The following FGF13 variants were observed in gnomAD, a reference collection of about 807,000 sequenced individuals.
FGF13 encodes the protein fibroblast growth factor 13.
FGF13 carries 2 observed loss-of-function variants against 19.5 expected under a neutral mutation model. The ratio of observed to expected loss-of-function variants is 0.10; its 90% CI spans 0.04 to 0.32. The LOEUF (loss-of-function observed/expected upper bound fraction) is 0.32. Among genes scored for constraint, FGF13 ranks in the 10% least tolerant of loss-of-function variants. FGF13 has a pLI of 1.00. For missense variants in FGF13, 113 were observed against 192.7 expected (o/e 0.59, Z 2.45); for synonymous variants, 72 against 76.9 (o/e 0.94, Z 0.33).
intron 1 of FGF13, among the ~76,000 whole-genome samples, chrX:138,902,280 G>A (rs186150905): frequency 4.5e-5 from 5 of 112,225 alleles, no homozygotes; most frequent in Non-Finnish European, 7.5e-5. Context: ...TATTTTGATG[G>A]TTATAGCAAG....
chrX:139,175,094 C>T (rs2084169383), intron 1 of FGF13, among the ~76,000 whole-genome samples: 1 of 111,430 alleles, frequency 9.0e-6, no homozygotes, highest in Admixed American at 9.5e-5. Flanking sequence ...TGTAGTTCTC[C>T]TTGAAGAGGT....
chrX:139,153,802 C>T (rs375817096), intron 1 of FGF13, among the ~76,000 whole-genome samples: 5 of 108,178 alleles, frequency 4.6e-5, no homozygotes, highest in Non-Finnish European at 9.4e-5. Flanking sequence ...TGACTGTTAT[C>T]GTTATAAGTA....
At chrX:138,814,374 T>C (rs2090947636) in intron 3 of FGF13, among the ~76,000 whole-genome samples, 1 of 109,846 alleles carries the variant, frequency 9.1e-6, no homozygotes, top group Non-Finnish European at 1.9e-5. Flanking sequence ...TCAAACTAAA[T>C]AGCTTCTGCA....
At chrX:139,099,654 T>A (rs2083495105) in intron 1 of FGF13, among the ~76,000 whole-genome samples, 1 of 110,784 alleles carries the variant, frequency 9.0e-6, no homozygotes, top group Non-Finnish European at 1.9e-5. Context: ...CAAGGGTATA[T>A]CAAAGTCTGC....
chrX:138,896,621 G>C (rs2091505645), intron 1 of FGF13, among the ~76,000 whole-genome samples: 2 of 112,095 alleles, frequency 1.8e-5, no homozygotes, highest in Non-Finnish European at 3.8e-5. Flanking sequence ...CAAATAAACA[G>C]GCTTTGGAGT....
intron 1 of FGF13, among the ~76,000 whole-genome samples, chrX:138,879,348 TAC>T (rs201311119): frequency 0.021 from 2,302 of 111,691 alleles, 26 homozygotes; most frequent in Middle Eastern, 0.06. Context: ...TGTTCTTTGA[TAC>T]ACAACGATTT....
At chrX:139,154,620 G>A (rs1464841534) in intron 1 of FGF13, among the ~76,000 whole-genome samples, 1 of 111,922 alleles carries the variant, frequency 8.9e-6, no homozygotes, top group Non-Finnish European at 1.9e-5. Flanking sequence ...ACAACAAAAG[G>A]TGTGATTGCT....
At chrX:139,162,933 C>T (rs1284951862) in intron 1 of FGF13, among the ~76,000 whole-genome samples, 1 of 112,115 alleles carries the variant, frequency 8.9e-6, no homozygotes, top group East Asian at 2.8e-4. Flanking sequence ...AATGCTTTTA[C>T]ACTGTTGGTG....
rs1230573678 is a variant in FGF13 at position 138,680,889 on chromosome X, T to C, written c.402+22095A>G. Among the ~76,000 whole-genome samples, 3 of 111,044 alleles carry C rather than the reference T, an allele frequency of 2.7e-5. No homozygotes were observed. In the Admixed American group the frequency reaches 2.9e-4, roughly 11 times the overall value. ...ACTTCATCTACATTGAAAATCTGTA[T>C]GGCCGAGCGTGGTGGCTCACCCCTG... On this transcript the variant is annotated intron_variant, in intron 3 of 4. Coordinates refer to ENST00000315930, the MANE Select transcript of FGF13 (RefSeq NM_004114.5).
intron 1 of FGF13, among the ~76,000 whole-genome samples, chrX:139,049,491 G>T (rs2092297808): frequency 8.9e-6 from 1 of 112,219 alleles, no homozygotes; most frequent in African/African-American, 3.2e-5. Context: ...GGAGATAAAT[G>T]AGTTAAAGGA....
At chrX:139,111,579 A>C (rs1321139140) in intron 1 of FGF13, among the ~76,000 whole-genome samples, 2 of 112,154 alleles carry the variant, frequency 1.8e-5, no homozygotes, top group African/African-American at 6.5e-5. Flanking sequence ...TCTATTTTAT[A>C]GGATTCCAGT....
At chrX:138,791,614 T>C (rs2090743268) in intron 3 of FGF13, among the ~76,000 whole-genome samples, 1 of 112,204 alleles carries the variant, frequency 8.9e-6, no homozygotes, top group Non-Finnish European at 1.9e-5. Context: ...ATTGTTGTCC[T>C]GGAAGGCTCT....
At chrX:139,032,065 T>C (rs180938630) in intron 1 of FGF13, among the ~76,000 whole-genome samples, 1 of 111,446 alleles carries the variant, frequency 9.0e-6, no homozygotes, top group Non-Finnish European at 1.9e-5. Flanking sequence ...GATGCATCTA[T>C]GCAACCACAG....
intron 1 of FGF13, among the ~76,000 whole-genome samples, chrX:138,738,657 T>C (rs964827906): frequency 7.2e-5 from 8 of 111,810 alleles, no homozygotes; most frequent in Non-Finnish European, 1.1e-4. Flanking sequence ...TCTCCTAGTT[T>C]CGCTGAGACA....
intron 1 of FGF13, among the ~76,000 whole-genome samples, chrX:139,131,997 C>T (rs941936174): frequency 8.9e-6 from 1 of 112,150 alleles, no homozygotes; most frequent in African/African-American, 3.2e-5. Flanking sequence ...TGTTTCTCTG[C>T]AAATTTCTAA....
intron 1 of FGF13, among the ~76,000 whole-genome samples, chrX:138,949,934 G>A (rs746898996): frequency 1.5e-4 from 17 of 111,571 alleles, no homozygotes; most frequent in Non-Finnish European, 3.0e-4. Flanking sequence ...TCAGTTTTTT[G>A]TGCTTCTGTC....
At chrX:138,667,860 G>A (rs760274444) in intron 3 of FGF13, 13 of 270,130 alleles carry the variant, frequency 4.8e-5, no homozygotes, top group African/African-American at 1.1e-4. Context: ...TGGATGGCTC[G>A]TTGAGTTACC....
At position 138,700,058 on chromosome X, in the gene FGF13, TGC is replaced by T. The variant is rs770216631; in HGVS notation, c.402+2924_402+2925del. On this transcript the variant is annotated intron_variant, in intron 3 of 4. Transcript: ENST00000315930. ...CCTGAAGACACCTCATTCTCATCTG[TGC>T]AGTGAATGGCAACCATACATGTTTA... Among the ~76,000 whole-genome samples the T allele has an allele frequency of 3.2e-3, 352 of 110,770 alleles. 2 individuals carry two copies. The highest frequency in any genetic ancestry group is 0.011 in the African/African-American group (339 of 30,456).
chrX:138,995,305 TTTTTA>T (rs2124352223), intron 1 of FGF13, among the ~76,000 whole-genome samples: 1 of 111,896 alleles, frequency 8.9e-6, no homozygotes, highest in African/African-American at 3.2e-5. Context: ...TTAATTTTGA[TTTTTA>T]TTTATTTTTT....
Sources: allele counts gnomAD v4.1 joint callset (sites outside exome capture counted in the v4.1 genomes callset), GRCh38; gene constraint gnomAD v4.1.1; transcripts MANE v1.5; gene names NCBI Gene and HGNC (gene_info 2026-07-23, HGNC 2026-07-21).